Variants in TCF7L1 observed in about 807,000 individuals in gnomAD.
The protein encoded by TCF7L1 is transcription factor 7 like 1, also known as transcription factor 7-like 1.
A neutral mutation model predicts 63.7 loss-of-function variants in TCF7L1; 18 were observed. The observed-to-expected ratio is 0.28, with a 90% CI of 0.20 to 0.42. The LOEUF (loss-of-function observed/expected upper bound fraction) is 0.42. TCF7L1 is among the 10% of genes least tolerant of loss of function. The probability of loss-of-function intolerance (pLI) is 1.00; values close to 1 mark genes in which losing one functional copy is unlikely to be tolerated. For synonymous variants in TCF7L1, 355 were observed against 340.9 expected (o/e 1.04, Z -0.46); for missense variants, 654 against 779.3 (o/e 0.84, Z 1.91).
At position 85,307,633 on chromosome 2, in the gene TCF7L1, A is replaced by G. The variant is rs1352927993; in HGVS notation, c.1258-9A>G. The G allele has an allele frequency of 1.9e-6, 3 of 1,613,048 alleles. No homozygotes were observed. The African/African-American group carries it at 4.0e-5, about 22-fold the overall frequency. On this transcript the variant is annotated splice_polypyrimidine_tract_variant and intron_variant, in intron 10 of 11. Coordinates refer to ENST00000282111, the MANE Select transcript of TCF7L1 (RefSeq NM_031283.3). ...CCAGCTTACCTCTTCCTTTGGCTGT[A>G]TTTTCCAGGGTAAGAAAAAGAAGAG... is the stretch of plus-strand genomic sequence containing the variant.
chr2:85,232,734 A>G (rs1209559452), intron 3 of TCF7L1, among the ~76,000 whole-genome samples: 1 of 152,136 alleles, frequency 6.6e-6, no homozygotes, highest in Non-Finnish European at 1.5e-5. Context: ...GATGTTCCCC[A>G]TCCAATCCCG....
At chr2:85,279,001 G>A (rs1681350723) in intron 3 of TCF7L1, among the ~76,000 whole-genome samples, 1 of 152,216 alleles carries the variant, frequency 6.6e-6, no homozygotes, top group Admixed American at 6.5e-5. Context: ...CCCCAGGAGG[G>A]AGGTGGCTGG....
intron 6 of TCF7L1, 81 bp downstream of exon 6, chr2:85,304,078 T>C: frequency 1.6e-6 from 2 of 1,262,064 alleles, no homozygotes; most frequent in South Asian, 2.6e-5. Context: ...CCCTGCACAG[T>C]GGAGCCCCCT....
At chr2:85,161,331 G>A (rs569275607) in intron 3 of TCF7L1, among the ~76,000 whole-genome samples, 1 of 152,286 alleles carries the variant, frequency 6.6e-6, no homozygotes, top group African/African-American at 2.4e-5. Context: ...TTGGTTTTTG[G>A]CGCCTGAACT....
chr2:85,168,581 G>A (rs1574088144), intron 3 of TCF7L1, among the ~76,000 whole-genome samples: 1 of 152,150 alleles, frequency 6.6e-6, no homozygotes, highest in East Asian at 1.9e-4. Context: ...ACTGAACCTG[G>A]GACAGGCTAT....
At chr2:85,158,384 G>T (rs778588953) in intron 3 of TCF7L1, among the ~76,000 whole-genome samples, 5 of 152,180 alleles carry the variant, frequency 3.3e-5, no homozygotes, top group Non-Finnish European at 7.3e-5. Context: ...ACATGACTCC[G>T]TGTGAAGCTG....
At chr2:85,280,336 A>G (rs1029251303) in intron 3 of TCF7L1, among the ~76,000 whole-genome samples, 2 of 152,254 alleles carry the variant, frequency 1.3e-5, no homozygotes, top group Non-Finnish European at 2.9e-5. Flanking sequence ...CCAAAATGTC[A>G]TAGTGCTGAG....
chr2:85,182,512 C>T (rs909905849), intron 3 of TCF7L1, among the ~76,000 whole-genome samples: 4 of 152,120 alleles, frequency 2.6e-5, no homozygotes, highest in African/African-American at 7.2e-5. Flanking sequence ...GAGAGGTTCC[C>T]GGTCAGGCTG....
intron 3 of TCF7L1, among the ~76,000 whole-genome samples, chr2:85,161,510 C>G (rs571061507): frequency 6.6e-6 from 1 of 152,182 alleles, no homozygotes; most frequent in South Asian, 2.1e-4. Flanking sequence ...GGGCTTGCTT[C>G]CCCTGCCTCC....
intron 3 of TCF7L1, among the ~76,000 whole-genome samples, chr2:85,185,160 G>T (rs1678888482): frequency 6.6e-6 from 1 of 152,156 alleles, no homozygotes; most frequent in African/African-American, 2.4e-5. Flanking sequence ...TTAGCTTCAG[G>T]AGAGTGTGCC....
chr2:85,278,770 G>A (rs968121173), intron 3 of TCF7L1, among the ~76,000 whole-genome samples: 1 of 152,218 alleles, frequency 6.6e-6, no homozygotes, highest in Admixed American at 6.5e-5. Flanking sequence ...TTGGAAAACT[G>A]TGTATCTGTC....
chr2:85,277,925 C>G lies in TCF7L1; in HGVS notation c.442-5570C>G, dbSNP rs552725729. On this transcript the variant is annotated intron_variant, in intron 3 of 11. Transcript: ENST00000282111. ...AAGCAAGTGTGGGACAGGGTGAGGA[C>G]GGCTGGGGCGGGGCCCTCCCTACCT... is the stretch of plus-strand genomic sequence containing the variant. Among the ~76,000 whole-genome samples, 8 of 152,226 alleles carry G rather than the reference C, an allele frequency of 5.3e-5. No individual in the cohort carries two copies. The South Asian group carries it at 1.7e-3, about 32-fold the overall frequency.
intron 3 of TCF7L1, among the ~76,000 whole-genome samples, chr2:85,241,252 G>GT (rs1297494235): frequency 1.3e-5 from 2 of 152,096 alleles, no homozygotes; most frequent in African/African-American, 4.8e-5. Flanking sequence ...GGGAACAGAA[G>GT]TTGGCACACG....
At chr2:85,197,899 G>A (rs1173744520) in intron 3 of TCF7L1, among the ~76,000 whole-genome samples, 1 of 152,194 alleles carries the variant, frequency 6.6e-6, no homozygotes, top group Non-Finnish European at 1.5e-5. Flanking sequence ...TGGCCTCATA[G>A]GGGTAACTTA....
chr2:85,261,022 G>A (rs768072181), intron 3 of TCF7L1, among the ~76,000 whole-genome samples: 88 of 152,086 alleles, frequency 5.8e-4, no homozygotes, highest in Non-Finnish European at 8.1e-4. Flanking sequence ...GAACCTGTCT[G>A]CCATTTCTCA....
chr2:85,212,241 T>C (rs1045598761), intron 3 of TCF7L1, among the ~76,000 whole-genome samples: 9 of 151,950 alleles, frequency 5.9e-5, no homozygotes, highest in African/African-American at 2.2e-4. Flanking sequence ...AGCTCTGTGG[T>C]GTGTCTGGGC....
At chr2:85,144,813 G>A (rs1284011957) in intron 3 of TCF7L1, among the ~76,000 whole-genome samples, 1 of 151,652 alleles carries the variant, frequency 6.6e-6, no homozygotes, top group Non-Finnish European at 1.5e-5. Context: ...ACCGGGCACA[G>A]TGGCTCCCTC....
chr2:85,301,125 T>G (rs1681961608), intron 4 of TCF7L1, among the ~76,000 whole-genome samples: 1 of 148,150 alleles, frequency 6.7e-6, no homozygotes, highest in Non-Finnish European at 1.5e-5. Context: ...TGTAACTCAC[T>G]TATCTTATTA....
chr2:85,214,489 A>G lies in TCF7L1; in HGVS notation c.442-69006A>G, dbSNP rs572378275. On this transcript the variant is annotated intron_variant, in intron 3 of 11. Coordinates refer to ENST00000282111, the MANE Select transcript of TCF7L1 (RefSeq NM_031283.3). ...CTTGATTTGACCCTGAGAATAACCAAAACTGTACAAAAGACATGTGTATTC... is the reference window on the plus strand; with the variant it reads ...CTTGATTTGACCCTGAGAATAACCAGAACTGTACAAAAGACATGTGTATTC... Among the ~76,000 whole-genome samples the G allele has an allele frequency of 7.2e-5, 11 of 152,346 alleles. No individual in the cohort carries two copies. In the South Asian group the frequency reaches 1.7e-3, roughly 23 times the overall value.
Sources: gnomAD v4.1 joint callset for allele counts (sites outside exome capture counted in the v4.1 genomes callset) on GRCh38, gnomAD v4.1.1 for gene constraint, MANE v1.5 for transcripts, NCBI Gene and HGNC (gene_info 2026-07-23, HGNC 2026-07-21) for gene names.